The following ADAMTS13 variants were observed in gnomAD, a reference collection of about 807,000 sequenced individuals.
The protein encoded by ADAMTS13 is A disintegrin and metalloproteinase with thrombospondin motifs 13.
In ADAMTS13, 110 loss-of-function variants were observed where a neutral mutation model predicts 155.1. The observed-to-expected ratio is 0.71, with a 90% CI of 0.61 to 0.83. The LOEUF is 0.83. Ranked by LOEUF, ADAMTS13 falls within the 40% of genes least tolerant of loss-of-function variation. The probability of loss-of-function intolerance (pLI) is 0.00; values close to 1 mark genes in which losing one functional copy is unlikely to be tolerated. For synonymous variants in ADAMTS13, 758 were observed against 756.4 expected, an observed-to-expected ratio of 1.00 and a Z score of -0.03; for missense variants, 1,707 against 1,891.7, an observed-to-expected ratio of 0.90 and a Z score of 1.81.
rs1554790695 is a variant in ADAMTS13, at chr9:133,441,344, T to C, written c.1968+819T>C. The stretch of plus-strand genomic sequence containing the variant: ...GCTTATCCCTTCTCTTCCCCTGATA[T>C]GGTTCCCTTCCTCCCCTCCCCTTGC... On this transcript the variant is annotated intron_variant, in intron 16 of 28. Transcript: ENST00000355699. The surrounding 1 kb of genome is among the most constrained non-coding windows in gnomAD (Gnocchi z 5.0). Among the ~76,000 whole-genome samples the C allele has an allele frequency of 1.3e-5, 2 of 152,210 alleles. No homozygotes were observed. The highest frequency in any genetic ancestry group is 1.9e-4 in the East Asian group (1 of 5,196).
Position 133,426,352 on chromosome 9 carries a change from A to T in ADAMTS13, c.686+7A>T, listed in dbSNP as rs782819693. On this transcript the variant is annotated splice_region_variant and intron_variant, in intron 6 of 28. Transcript: ENST00000355699. ...CCCATGAGATTGGGCACAGGTATGT[A>T]GCCCCACCAGCTGTCCCCAGGATCT... 7 of 1,599,534 alleles carry T rather than the reference A, an allele frequency of 4.4e-6. No homozygotes were observed. The highest frequency in any genetic ancestry group is 5.9e-6 in the Non-Finnish European group (7 of 1,179,940).
Position 133,457,993 on chromosome 9 carries a change from C to T in ADAMTS13, c.3808C>T (p.Arg1270Trp), listed in dbSNP as rs587618950. The part of the protein sequence containing the change: ...SPATSNAGGC[R>W]LFINVAPHAR... ...AGCCACGAGTAATGCAGGGGGCTGC[C>T]GGCTCTTCATTAATGTGGCTCCGCA... Residue 1270 changes from arginine (R) to tryptophan (W), a missense_variant, in exon 28 of 29, where the codon CGG (arginine) becomes TGG (tryptophan). Around this residue, in one of 3 missense-constraint regions of ADAMTS13, gnomAD observed 961 missense variants for 1,107.9 expected, o/e 0.87. Coordinates refer to ENST00000355699, the MANE Select transcript of ADAMTS13 (RefSeq NM_139027.6). 18 of 1,613,602 alleles carry T rather than the reference C, an allele frequency of 1.1e-5. No individual in the cohort carries two copies. Among genetic ancestry groups the T allele is most frequent in the African/African-American group, 6.7e-5 (5 of 75,038 alleles).
Position 133,439,354 on chromosome 9 carries a change from TC to T in ADAMTS13, c.1706-11del. 6.2e-7 allele frequency: 1 copy of T among 1,602,816 alleles called. No individual in the cohort carries two copies. The highest frequency in any genetic ancestry group is 8.5e-7 in the Non-Finnish European group (1 of 1,169,906). Reference sequence around the variant, plus strand: ...GAGGTCCACGCATCTCTCCTTCTTTTCTTCTTTCTAGAATATGTCACGTTTC... The same window carrying T: ...GAGGTCCACGCATCTCTCCTTCTTTTTTCTTTCTAGAATATGTCACGTTTC... On this transcript the variant is annotated splice_polypyrimidine_tract_variant and intron_variant, in intron 14 of 28. Transcript: ENST00000355699.
At chr9:133,439,749 C>T (rs782026325) in intron 15 of ADAMTS13, among the ~76,000 whole-genome samples, 3 of 152,228 alleles carry the variant, frequency 2.0e-5, no homozygotes, top group Admixed American at 6.5e-5. Context: ...AGCATTGGAG[C>T]GTGGCCATAC....
rs36220590 is a variant in ADAMTS13 at position 133,438,525 on chromosome 9, G to A, written c.1705+159G>A. On this transcript the variant is annotated intron_variant, in intron 14 of 28. Coordinates refer to ENST00000355699, the MANE Select transcript of ADAMTS13 (RefSeq NM_139027.6). ...TGTCAGCGTCTCCCTCTTCCACTTC[G>A]CCACCCTTCTGTGGCAGGCTCAGGT... is the stretch of plus-strand genomic sequence containing the variant. 6.9e-3 allele frequency among the ~76,000 whole-genome samples: 1,047 copies of A among 152,194 alleles called. 13 individuals are homozygous for A. Among genetic ancestry groups the A allele is most frequent in the African/African-American group, 0.024 (1,007 of 41,528 alleles).
chr9:133,424,616 T>C lies in ADAMTS13; in HGVS notation c.330+138T>C. On this transcript the variant is annotated intron_variant, in intron 3 of 28. Coordinates refer to ENST00000355699, the MANE Select transcript of ADAMTS13 (RefSeq NM_139027.6). This position sits in a 1 kb window ranked among gnomAD's most constrained non-coding sequence, Gnocchi z 4.3. ...GGCTCGGGGTTCTTCCTCTTCTCCC[T>C]CCCTCCCCTGGGTGGAGGTGGGTGA... 1 of 1,315,450 alleles carries C rather than the reference T, an allele frequency of 7.6e-7. No individual in the cohort carries two copies. The allele number at this position is 1,315,450 out of a possible 1,614,324, so 81.5% of individuals were successfully genotyped here.
intron 23 of ADAMTS13, among the ~76,000 whole-genome samples, chr9:133,451,046 G>T (rs1842408253): frequency 6.6e-6 from 1 of 152,224 alleles, no homozygotes; most frequent in South Asian, 2.1e-4. Context: ...CAAGTCCGTG[G>T]GGTCCGGAGC....
At chr9:133,454,355 G>C in intron 23 of ADAMTS13, 60 bp from the exon 24 acceptor site, 13 of 1,590,488 alleles carry the variant, frequency 8.2e-6, no homozygotes, top group Non-Finnish European at 1.1e-5. Flanking sequence ...AGGGGCCTGC[G>C]TGGGGCAGTA....
At chr9:133,455,922 C>T (rs1842715186) in intron 25 of ADAMTS13, 147 bp from the exon 26 acceptor site, 5 of 1,064,336 alleles carry the variant, frequency 4.7e-6, no homozygotes, top group Non-Finnish European at 5.6e-6. Context: ...CAGCCCCCCT[C>T]CCTGTCCTGA....
chr9:133,452,716 C>T (rs1387232970), intron 23 of ADAMTS13, among the ~76,000 whole-genome samples: 4 of 152,004 alleles, frequency 2.6e-5, no homozygotes, highest in African/African-American at 4.8e-5. Context: ...CACTATGTTG[C>T]CCAGTCTGGA....
intron 12 of ADAMTS13, among the ~76,000 whole-genome samples, 196 bp downstream of exon 12, chr9:133,437,151 G>C (rs1291675156): frequency 6.6e-6 from 1 of 152,186 alleles, no homozygotes; most frequent in African/African-American, 2.4e-5. Flanking sequence ...CCATCTCTGA[G>C]TCTCAATTTC....
Position 133,425,406 on chromosome 9 carries a change from C to T in ADAMTS13, c.331-123C>T, listed in dbSNP as rs587735233. ...GGAGCCCCCCGCCCCGCCCGGTTCCCACACATGCTGGTGGAGTAGCCTCTC... is the reference window on the plus strand; with the variant it reads ...GGAGCCCCCCGCCCCGCCCGGTTCCTACACATGCTGGTGGAGTAGCCTCTC... On this transcript the variant is annotated intron_variant, in intron 3 of 28. Transcript: ENST00000355699. The surrounding 1 kb of genome is among the most constrained non-coding windows in gnomAD (Gnocchi z 4.6). 24 of 791,792 alleles carry T rather than the reference C, an allele frequency of 3.0e-5. No homozygotes were observed. The East Asian group carries it at 6.4e-4, about 21-fold the overall frequency. The allele number at this position is 791,792 out of a possible 1,614,324, so 49.0% of individuals were successfully genotyped here.
chr9:133,456,719 G>C lies in ADAMTS13; in HGVS notation c.3724G>C (p.Glu1242Gln). Reference protein sequence around the residue: ...SQLAPETFYRECDMQLFGPWG... With the variant: ...SQLAPETFYRQCDMQLFGPWG... ...GCTTGCTCCTGAAACCTTCTACAGA[G>C]GTATGGCCAGGCCTTCTCCACCTCC... Residue 1242 changes from glutamate to glutamine, a missense_variant and splice_region_variant, in exon 27 of 29, where the codon GAA (glutamate) becomes CAA (glutamine). By Grantham distance (29) the Glu-to-Gln change is conservative. Around this residue, in one of 3 missense-constraint regions of ADAMTS13, gnomAD observed 961 missense variants for 1,107.9 expected, o/e 0.87. Coordinates refer to ENST00000355699, the MANE Select transcript of ADAMTS13 (RefSeq NM_139027.6). This position sits in a 1 kb window ranked among gnomAD's most constrained non-coding sequence, Gnocchi z 4.4. The C allele has an allele frequency of 6.4e-7, 1 of 1,558,420 alleles. No individual in the cohort carries two copies. Among genetic ancestry groups the C allele is most frequent in the Non-Finnish European group, 8.7e-7 (1 of 1,150,452 alleles).
chr9:133,431,920 C>T (rs937740956), intron 8 of ADAMTS13, among the ~76,000 whole-genome samples: 1 of 152,210 alleles, frequency 6.6e-6, no homozygotes, highest in Admixed American at 6.5e-5. Flanking sequence ...TTCCAAATTG[C>T]TGGGATTACA....
intron 25 of ADAMTS13, chr9:133,455,712 C>T: frequency 7.0e-7 from 1 of 1,433,650 alleles, no homozygotes; most frequent in Non-Finnish European, 9.7e-7. Context: ...GGTTGTGTGC[C>T]TGGGAGGCCG....
chr9:133,415,689 G>A (rs921665078), intron 1 of ADAMTS13: 1 of 152,172 alleles, frequency 6.6e-6, no homozygotes, highest in African/African-American at 2.4e-5. Flanking sequence ...AAGAACTGAA[G>A]GGCTGACTTT....
At position 133,430,162 on chromosome 9, in the gene ADAMTS13, C is replaced by A. The variant is rs782579493; in HGVS notation, c.987+61C>A. 7 of 1,538,646 alleles carry A rather than the reference C, an allele frequency of 4.5e-6. No homozygotes were observed. The African/African-American group carries it at 8.2e-5, about 18-fold the overall frequency. On this transcript the variant is annotated intron_variant, in intron 8 of 28. Coordinates refer to ENST00000355699, the MANE Select transcript of ADAMTS13 (RefSeq NM_139027.6). Reference sequence around the variant, plus strand: ...AGGTCCCTCCGCATCACCCAGCTCACGTCCCCCAAAACGTGCATGGTGAGA... The same window carrying A: ...AGGTCCCTCCGCATCACCCAGCTCAAGTCCCCCAAAACGTGCATGGTGAGA...
intron 23 of ADAMTS13, among the ~76,000 whole-genome samples, chr9:133,450,565 C>CAAA (rs924514326): frequency 1.3e-5 from 1 of 74,818 alleles, no homozygotes; most frequent in Non-Finnish European, 2.8e-5. Flanking sequence ...AACTCCATCT[C>CAAA]AAAAAAAAAA....
intron 7 of ADAMTS13, 125 bp downstream of exon 7, chr9:133,428,896 C>G (rs1327937133): frequency 1.9e-6 from 2 of 1,059,170 alleles, no homozygotes; most frequent in Non-Finnish European, 2.3e-6. Context: ...ACCCCTCCGT[C>G]CAACCCACCC....
Sources: gnomAD v4.1 joint callset for allele counts (sites outside exome capture counted in the v4.1 genomes callset) on GRCh38, gnomAD v4.1.1 for gene constraint, gnomAD v4.1.1 regional missense constraint, Gnocchi (gnomAD v3.1) non-coding constraint, MANE v1.5 for transcripts, NCBI Gene and HGNC (gene_info 2026-07-23, HGNC 2026-07-21) for gene names.